Variants in FIGN observed in about 807,000 individuals in gnomAD.
FIGN encodes the protein fidgetin.
FIGN carries 11 observed loss-of-function variants against 51.3 expected under a neutral mutation model. That is an observed-to-expected ratio of 0.21 (90% confidence interval 0.13 to 0.35). The LOEUF is 0.35. Among genes scored for constraint, FIGN ranks in the 10% least tolerant of loss-of-function variants. The pLI is 1.00. For missense variants in FIGN, 857 were observed against 943.6 expected (o/e 0.91, Z 1.20); for synonymous variants, 407 against 363.2 (o/e 1.12, Z -1.37).
chr2:163,732,248 T>C (rs771172328), intron 2 of FIGN, among the ~76,000 whole-genome samples: 2 of 152,202 alleles, frequency 1.3e-5, no homozygotes, highest in East Asian at 1.9e-4. Flanking sequence ...GCAGTTTATA[T>C]TGATAACCAT....
At chr2:163,663,734 T>C (rs186680453) in intron 2 of FIGN, among the ~76,000 whole-genome samples, 1 of 151,600 alleles carries the variant, frequency 6.6e-6, no homozygotes, top group East Asian at 2.0e-4. Flanking sequence ...AATACAAAAT[T>C]AGTTGGGTGT....
At chr2:163,662,829 G>T (rs1683711153) in intron 2 of FIGN, among the ~76,000 whole-genome samples, 1 of 152,204 alleles carries the variant, frequency 6.6e-6, no homozygotes, top group Non-Finnish European at 1.5e-5. Flanking sequence ...TGCTATTATT[G>T]TGATAGTGAA....
chr2:163,683,210 T>G (rs1478092591), intron 2 of FIGN, among the ~76,000 whole-genome samples: 1 of 152,194 alleles, frequency 6.6e-6, no homozygotes, highest in Non-Finnish European at 1.5e-5. Context: ...TTCACCTTCC[T>G]GAATCCTCAA....
intron 2 of FIGN, among the ~76,000 whole-genome samples, chr2:163,689,573 C>G (rs2105344391): frequency 6.6e-6 from 1 of 152,126 alleles, no homozygotes; most frequent in African/African-American, 2.4e-5. Flanking sequence ...TATTTAAAAA[C>G]AGTAGAGAAT....
intron 2 of FIGN, among the ~76,000 whole-genome samples, chr2:163,654,617 C>T (rs1031343955): frequency 5.3e-5 from 8 of 152,002 alleles, no homozygotes; most frequent in African/African-American, 1.2e-4. Context: ...TCTGTAAAGA[C>T]GAAGGGGAGA....
At chr2:163,730,422 A>G (rs777372694) in intron 2 of FIGN, among the ~76,000 whole-genome samples, 4 of 152,162 alleles carry the variant, frequency 2.6e-5, no homozygotes, top group Non-Finnish European at 5.9e-5. Context: ...TAAACTGGCC[A>G]TTTATTTGCA....
intron 2 of FIGN, among the ~76,000 whole-genome samples, chr2:163,623,544 TCTC>T (rs769330859): frequency 1.1e-4 from 17 of 152,148 alleles, no homozygotes; most frequent in Admixed American, 2.6e-4. Context: ...GCAATACTGT[TCTC>T]CTTTTAAAAT....
In FIGN at chr2:163,611,149, G is replaced by C; in HGVS notation, c.683C>G (p.Pro228Arg). The change falls in exon 3 of 3, where the codon CCG (proline) becomes CGG (arginine). Residue 228 changes from proline (P) to arginine (R), a missense_variant. Coordinates refer to ENST00000333129, the MANE Select transcript of FIGN (RefSeq NM_018086.4). ...GLLQPPPPPP[P>R]PPALVPGYNG... is the part of the protein sequence containing the mutation. The stretch of plus-strand genomic sequence containing the variant: ...GTAGCCTGGGACCAAGGCTGGTGGC[G>C]GAGGAGGTGGTGGTGGGGGCTGTAG... The C allele has an allele frequency of 1.2e-6, 2 of 1,614,150 alleles. No homozygotes were observed. The highest frequency in any genetic ancestry group is 1.7e-6 in the Non-Finnish European group (2 of 1,180,020).
chr2:163,680,342 C>T (rs1336139745), intron 2 of FIGN, among the ~76,000 whole-genome samples: 1 of 152,190 alleles, frequency 6.6e-6, no homozygotes, highest in Non-Finnish European at 1.5e-5. Flanking sequence ...TTTTATGATT[C>T]TTGCTATCAT....
At chr2:163,632,530 G>C (rs893838077) in intron 2 of FIGN, among the ~76,000 whole-genome samples, 1 of 152,230 alleles carries the variant, frequency 6.6e-6, no homozygotes, top group African/African-American at 2.4e-5. Flanking sequence ...AACCTGCGGG[G>C]AGAGACCTGG....
At chr2:163,725,905 G>T (rs1036645707) in intron 2 of FIGN, among the ~76,000 whole-genome samples, 1 of 151,948 alleles carries the variant, frequency 6.6e-6, no homozygotes, top group Non-Finnish European at 1.5e-5. Flanking sequence ...TTGCTTATGT[G>T]TAATTTTTTT....
In FIGN at chr2:163,611,337, A is replaced by T; in HGVS notation, c.495T>A (p.Ser165Arg). Reference sequence around the variant, plus strand: ...GTACAGTGTGGCTTCCACAGGTACTACTTGAATAACTAGGTTCTGTCAGGT... The same window carrying T: ...GTACAGTGTGGCTTCCACAGGTACTTCTTGAATAACTAGGTTCTGTCAGGT... Reference protein sequence around the residue: ...ASNLTEPSYSSSTCGSHTVPS... With the variant: ...ASNLTEPSYSRSTCGSHTVPS... Residue 165 changes from serine to arginine, a missense_variant, in exon 3 of 3, where the codon AGT (serine) becomes AGA (arginine). This residue lies in a region of FIGN where 799 missense variants were observed against 849.5 expected (regional missense o/e 0.94). Coordinates refer to ENST00000333129, the MANE Select transcript of FIGN (RefSeq NM_018086.4). The T allele has an allele frequency of 6.2e-7, 1 of 1,614,132 alleles. No homozygotes were observed. Among genetic ancestry groups the T allele is most frequent in the South Asian group, 1.1e-5 (1 of 91,084 alleles).
At chr2:163,674,692 G>A (rs1683929380) in intron 2 of FIGN, among the ~76,000 whole-genome samples, 1 of 152,172 alleles carries the variant, frequency 6.6e-6, no homozygotes, top group Non-Finnish European at 1.5e-5. Context: ...TGAAGTAGGA[G>A]TGAGGAATTC....
At chr2:163,709,782 G>A (rs951748452) in intron 2 of FIGN, among the ~76,000 whole-genome samples, 1 of 151,838 alleles carries the variant, frequency 6.6e-6, no homozygotes, top group Non-Finnish European at 1.5e-5. Flanking sequence ...TCATATTTAT[G>A]AGAAAAAAAT....
At chr2:163,685,017 C>G (rs1684124635) in intron 2 of FIGN, among the ~76,000 whole-genome samples, 1 of 150,606 alleles carries the variant, frequency 6.6e-6, no homozygotes, top group Non-Finnish European at 1.5e-5. Context: ...GAGCTACTGA[C>G]CTCGTGATTC....
chr2:163,696,112 A>G (rs1684314903), intron 2 of FIGN, among the ~76,000 whole-genome samples: 1 of 152,198 alleles, frequency 6.6e-6, no homozygotes, highest in African/African-American at 2.4e-5. Flanking sequence ...CTCCATCTCA[A>G]AAAAACAAAA....
In FIGN at chr2:163,610,630, G is replaced by A; in HGVS notation, c.1202C>T (p.Pro401Leu). Residue 401 changes from proline to leucine, a missense_variant, in exon 3 of 3, where the codon CCT becomes CTT. Pro to Leu is a moderately conservative substitution (Grantham distance 98, BLOSUM62 -3). Around this residue, in one of 3 missense-constraint regions of FIGN, gnomAD observed 799 missense variants for 849.5 expected, o/e 0.94. Coordinates refer to ENST00000333129, the MANE Select transcript of FIGN (RefSeq NM_018086.4). ...ATTTTTAGCAGTACTGTAGGAAGGA[G>A]GGGTCAGAGCCCTACTGGACTGGCT... Reference protein sequence around the residue: ...FSSQSSRALTPPSYSTAKNSL... With the variant: ...FSSQSSRALTLPSYSTAKNSL... 1 of 1,614,202 alleles carries A rather than the reference G, an allele frequency of 6.2e-7. No homozygotes were observed. Among genetic ancestry groups the A allele is most frequent in the Non-Finnish European group, 8.5e-7 (1 of 1,180,038 alleles).
At chr2:163,674,326 T>A (rs74630826) in intron 2 of FIGN, among the ~76,000 whole-genome samples, 6,924 of 152,310 alleles carry the variant, frequency 0.045, 197 homozygotes, top group African/African-American at 0.065. Context: ...TGAATTACGC[T>A]TTTCTAATGT....
intron 2 of FIGN, among the ~76,000 whole-genome samples, chr2:163,621,570 G>C (rs1682972880): frequency 6.6e-6 from 1 of 152,142 alleles, no homozygotes; most frequent in Non-Finnish European, 1.5e-5. Context: ...CACAGCCTAG[G>C]ATTAAAAGTG....
Sources: allele counts gnomAD v4.1 joint callset (sites outside exome capture counted in the v4.1 genomes callset), GRCh38; gene constraint gnomAD v4.1.1; regional missense constraint gnomAD v4.1.1; transcripts MANE v1.5; gene names NCBI Gene and HGNC (gene_info 2026-07-23, HGNC 2026-07-21).